Variants in STK39 observed in about 807,000 individuals in gnomAD.
STK39 encodes the protein serine/threonine kinase 39.
In STK39, 20 loss-of-function variants were observed where a neutral mutation model predicts 77.8. The observed-to-expected ratio is 0.26, with a 90% confidence interval of 0.18 to 0.37. The LOEUF (loss-of-function observed/expected upper bound fraction) is 0.37. Ranked by LOEUF, STK39 falls within the 10% of genes least tolerant of loss-of-function variation. The probability of loss-of-function intolerance (pLI) is 1.00; values close to 1 mark genes in which losing one functional copy is unlikely to be tolerated. For synonymous variants in STK39, 246 were observed against 234.1 expected (o/e 1.05, Z -0.47); for missense variants, 479 against 656.5 (o/e 0.73, Z 2.95).
chr2:168,088,283 A>C (rs919007131), intron 10 of STK39, among the ~76,000 whole-genome samples: 2 of 152,204 alleles, frequency 1.3e-5, no homozygotes, highest in African/African-American at 2.4e-5. Context: ...TGCCCTAAAG[A>C]TACATTTGGT....
At chr2:167,959,972 G>A (rs954169063) in intron 17 of STK39, among the ~76,000 whole-genome samples, 5 of 152,172 alleles carry the variant, frequency 3.3e-5, no homozygotes, top group African/African-American at 1.2e-4. Context: ...TGAGGCCCAC[G>A]CTTTGTGAGC....
chr2:168,237,524 G>T (rs1690652017), intron 1 of STK39, among the ~76,000 whole-genome samples: 1 of 152,170 alleles, frequency 6.6e-6, no homozygotes, highest in African/African-American at 2.4e-5. Context: ...TCTTGTGCCA[G>T]TTTTCAAAGG....
intron 10 of STK39, 133 bp from the exon 11 acceptor site, chr2:168,075,364 A>G: frequency 2.4e-6 from 3 of 1,246,120 alleles, no homozygotes; most frequent in Non-Finnish European, 3.4e-6. Context: ...AGGGATAGCT[A>G]GCGGTTAAGA....
At chr2:168,146,000 C>T (rs1174400531) in intron 5 of STK39, among the ~76,000 whole-genome samples, 1 of 152,172 alleles carries the variant, frequency 6.6e-6, no homozygotes, top group Non-Finnish European at 1.5e-5. Flanking sequence ...TTTAGATATA[C>T]TCCTTACTCT....
chr2:168,244,421 T>C (rs182892274), intron 1 of STK39, among the ~76,000 whole-genome samples: 69 of 152,320 alleles, frequency 4.5e-4, no homozygotes, highest in African/African-American at 1.5e-3. Context: ...CTCCTTTGGT[T>C]TTCTGTTCAG....
chr2:168,232,907 G>A (rs138837146), intron 1 of STK39, among the ~76,000 whole-genome samples: 1 of 121,782 alleles, frequency 8.2e-6, no homozygotes, highest in East Asian at 2.0e-4. Flanking sequence ...GTGAGATGCT[G>A]TCTCAAAAAA....
intron 5 of STK39, among the ~76,000 whole-genome samples, chr2:168,150,969 A>G (rs148345041): frequency 6.6e-6 from 1 of 151,934 alleles, no homozygotes; most frequent in East Asian, 2.0e-4. Context: ...CCTGGTTTTC[A>G]TTTCTATTTA....
intron 10 of STK39, among the ~76,000 whole-genome samples, chr2:168,115,185 GA>G (rs1433007904): frequency 1.3e-5 from 2 of 151,700 alleles, no homozygotes; most frequent in Non-Finnish European, 2.9e-5. Context: ...GTAGATCTAG[GA>G]AAAAAAATGA....
intron 1 of STK39, among the ~76,000 whole-genome samples, chr2:168,226,576 G>C (rs1355984038): frequency 6.6e-6 from 1 of 152,034 alleles, no homozygotes; most frequent in Non-Finnish European, 1.5e-5. Context: ...TCCCTAAACT[G>C]AGGCAATAAT....
At chr2:168,151,642 C>T (rs3820873) in intron 5 of STK39, among the ~76,000 whole-genome samples, 6 of 150,592 alleles carry the variant, frequency 4.0e-5, no homozygotes, top group East Asian at 2.0e-4. Flanking sequence ...GTGAGGCTGA[C>T]GCAGGAGAAT....
intron 1 of STK39, among the ~76,000 whole-genome samples, chr2:168,200,370 A>T (rs1468326880): frequency 6.6e-6 from 1 of 152,170 alleles, no homozygotes; most frequent in Non-Finnish European, 1.5e-5. Context: ...CCACCAGTTA[A>T]AATTGAAACT....
chr2:168,109,158 G>A (rs1203225440), intron 10 of STK39, among the ~76,000 whole-genome samples: 2 of 152,188 alleles, frequency 1.3e-5, no homozygotes, highest in African/African-American at 4.8e-5. Context: ...ATTTATATAT[G>A]TAAGTAATGA....
chr2:168,221,624 G>C (rs1690172554), intron 1 of STK39, among the ~76,000 whole-genome samples: 1 of 152,102 alleles, frequency 6.6e-6, no homozygotes, highest in Admixed American at 6.5e-5. Flanking sequence ...AAAGACAGGA[G>C]GACTTTGGAG....
chr2:168,214,487 G>A (rs1689976099), intron 1 of STK39, among the ~76,000 whole-genome samples: 1 of 152,104 alleles, frequency 6.6e-6, no homozygotes, highest in African/African-American at 2.4e-5. Flanking sequence ...GCTGGGAGAA[G>A]GGAAAATGGA....
intron 2 of STK39, among the ~76,000 whole-genome samples, chr2:168,177,275 G>A (rs67447523): frequency 0.1 from 15,613 of 151,704 alleles, 1,572 homozygotes; most frequent in East Asian, 0.31. Context: ...GCTTTGCCTC[G>A]TCCCCGGGCC....
intron 2 of STK39, among the ~76,000 whole-genome samples, chr2:168,173,394 T>C (rs1334220354): frequency 3.9e-5 from 6 of 152,174 alleles, no homozygotes; most frequent in African/African-American, 1.4e-4. Flanking sequence ...AACCGAATAC[T>C]GTTAAGTAGC....
At chr2:168,095,757 G>A (rs1316182401) in intron 10 of STK39, among the ~76,000 whole-genome samples, 1 of 151,950 alleles carries the variant, frequency 6.6e-6, no homozygotes, top group East Asian at 1.9e-4. Context: ...CTCCCGGGTA[G>A]CTGGGACTAC....
chr2:168,214,458 G>C (rs759926147), intron 1 of STK39, among the ~76,000 whole-genome samples: 27 of 152,208 alleles, frequency 1.8e-4, no homozygotes, highest in Middle Eastern at 3.4e-3. Flanking sequence ...CGTATATCCA[G>C]AACAGGTGGT....
intron 10 of STK39, among the ~76,000 whole-genome samples, chr2:168,129,095 G>A (rs1314084190): frequency 6.6e-6 from 1 of 152,136 alleles, no homozygotes; most frequent in East Asian, 1.9e-4. Context: ...AACTAAAAAA[G>A]GGACCATAGG....
Sources: gnomAD v4.1 joint callset for allele counts (sites outside exome capture counted in the v4.1 genomes callset) on GRCh38, gnomAD v4.1.1 for gene constraint, MANE v1.5 for transcripts, NCBI Gene and HGNC (gene_info 2026-07-23, HGNC 2026-07-21) for gene names.